Variants in CDH18 observed in about 807,000 individuals in gnomAD.
The protein encoded by CDH18 is cadherin-18.
CDH18 carries 31 observed loss-of-function variants against 67.9 expected under a neutral mutation model. That is an observed-to-expected ratio of 0.46 (90% CI 0.34 to 0.62). The LOEUF is 0.62. Ranked by LOEUF, CDH18 falls within the 20% of genes least tolerant of loss-of-function variation. The pLI is 0.01. For synonymous variants in CDH18, 362 were observed against 347.2 expected (o/e 1.04, Z -0.48); for missense variants, 890 against 975.5 (o/e 0.91, Z 1.17).
At chr5:19,996,171 T>C (rs1382892153) in intron 2 of CDH18, among the ~76,000 whole-genome samples, 1 of 152,154 alleles carries the variant, frequency 6.6e-6, no homozygotes, top group Admixed American at 6.6e-5. Flanking sequence ...TAAAGTATAG[T>C]AATATATAGT....
At chr5:20,322,576 G>A (rs890187003) in intron 1 of CDH18, among the ~76,000 whole-genome samples, 14 of 152,098 alleles carry the variant, frequency 9.2e-5, no homozygotes, top group Admixed American at 3.3e-4. Flanking sequence ...AAATGAGATT[G>A]TTTATATAAA....
In CDH18 at chr5:19,747,176, C is replaced by A; in HGVS notation, c.289G>T (p.Ala97Ser). 1.2e-6 allele frequency: 2 copies of A among 1,614,002 alleles called. No homozygotes were observed. The highest frequency in any genetic ancestry group is 1.7e-6 in the Non-Finnish European group (2 of 1,179,878). The change falls in exon 4 of 13, where the codon GCT (alanine) becomes TCT (serine). Residue 97 changes from alanine (A) to serine (S), a missense_variant. Coordinates refer to ENST00000382275, the MANE Select transcript of CDH18 (RefSeq NM_004934.5). ...SVKYILTGEG[A>S]GTIFIIDDTT... is the part of the protein sequence containing the mutation. ...TCGTCAATGATAAATATAGTCCCAGCACCCTCTCCAGTAAGGATGTACTTG... is the reference window on the plus strand; with the variant it reads ...TCGTCAATGATAAATATAGTCCCAGAACCCTCTCCAGTAAGGATGTACTTG...
At chr5:20,434,946 A>G (rs1205216594) in intron 1 of CDH18, among the ~76,000 whole-genome samples, 1 of 152,074 alleles carries the variant, frequency 6.6e-6, no homozygotes, top group African/African-American at 2.4e-5. Flanking sequence ...AGGGGTATGC[A>G]TACATTCAGA....
At chr5:20,304,031 C>T in intron 1 of CDH18, 1 of 1,481,928 alleles carries the variant, frequency 6.7e-7, no homozygotes, top group Non-Finnish European at 9.4e-7. Context: ...AATTCCGCAG[C>T]CGACTTCGCG....
At chr5:20,397,064 T>C (rs1408796798) in intron 1 of CDH18, among the ~76,000 whole-genome samples, 1 of 152,116 alleles carries the variant, frequency 6.6e-6, no homozygotes, top group African/African-American at 2.4e-5. Flanking sequence ...AGAAAAAGAC[T>C]CAACTCACAT....
At chr5:20,038,839 G>T (rs955396550) in intron 2 of CDH18, among the ~76,000 whole-genome samples, 1 of 152,076 alleles carries the variant, frequency 6.6e-6, no homozygotes, top group Admixed American at 6.6e-5. Context: ...GGAAGATCTG[G>T]CCAGGGAGAT....
At chr5:19,979,781 C>T (rs1579925120) in intron 2 of CDH18, among the ~76,000 whole-genome samples, 2 of 152,148 alleles carry the variant, frequency 1.3e-5, no homozygotes, top group Admixed American at 6.5e-5. Flanking sequence ...CAAGAATGTT[C>T]CATTTGTTTC....
intron 9 of CDH18, among the ~76,000 whole-genome samples, chr5:19,526,082 A>T (rs1039627941): frequency 2.0e-5 from 3 of 152,120 alleles, no homozygotes; most frequent in African/African-American, 7.2e-5. Context: ...CAATTTATTG[A>T]TGTGCATTAA....
At chr5:19,674,200 G>A (rs893101985) in intron 5 of CDH18, among the ~76,000 whole-genome samples, 2 of 151,990 alleles carry the variant, frequency 1.3e-5, no homozygotes, top group African/African-American at 2.4e-5. Context: ...ACTAGAATAT[G>A]CAAATGAGAG....
At chr5:20,207,077 T>C (rs745373747) in intron 2 of CDH18, among the ~76,000 whole-genome samples, 44 of 151,604 alleles carry the variant, frequency 2.9e-4, no homozygotes, top group Non-Finnish European at 5.6e-4. Flanking sequence ...ACAGGCAACA[T>C]GCTAATATAG....
chr5:20,128,093 T>G (rs888119381), intron 2 of CDH18, among the ~76,000 whole-genome samples: 2 of 152,060 alleles, frequency 1.3e-5, no homozygotes, highest in African/African-American at 4.8e-5. Context: ...CCCTAGGACA[T>G]TTCAGTATCA....
At chr5:19,954,254 T>C (rs193096813) in intron 2 of CDH18, among the ~76,000 whole-genome samples, 5 of 152,090 alleles carry the variant, frequency 3.3e-5, no homozygotes. Flanking sequence ...ATTGATCCAA[T>C]TTTAGGAAAA....
At chr5:20,159,734 C>T (rs902896639) in intron 2 of CDH18, among the ~76,000 whole-genome samples, 27 of 152,098 alleles carry the variant, frequency 1.8e-4, no homozygotes, top group Non-Finnish European at 2.9e-4. Context: ...CCAAGTTTAA[C>T]GGTCTTTAAG....
Position 19,799,810 on chromosome 5 carries a change from C to A in CDH18, c.228+38949G>T, listed in dbSNP as rs1777260358. Among the ~76,000 whole-genome samples the A allele has an allele frequency of 1.3e-5, 2 of 152,068 alleles. 1 individual carries two copies. Among genetic ancestry groups the A allele is most frequent in the South Asian group, 4.1e-4 (2 of 4,828 alleles). On this transcript the variant is annotated intron_variant, in intron 3 of 12. Coordinates refer to ENST00000382275, the MANE Select transcript of CDH18 (RefSeq NM_004934.5). ...TTATCTTTTATGTGCTTGATAGCCCCAATGCTTAGCACATGCAAACTTTTC... is the reference window on the plus strand; with the variant it reads ...TTATCTTTTATGTGCTTGATAGCCCAAATGCTTAGCACATGCAAACTTTTC...
chr5:19,753,694 C>T lies in CDH18; in HGVS notation c.229-6458G>A, dbSNP rs187253156. 3.3e-4 allele frequency among the ~76,000 whole-genome samples: 50 copies of T among 152,188 alleles called. 1 individual carries two copies. Among genetic ancestry groups the T allele is most frequent in the African/African-American group, 7.0e-4 (29 of 41,542 alleles). On this transcript the variant is annotated intron_variant, in intron 3 of 12. Transcript: ENST00000382275. ...CCAATGCATAGGTCATCTAAAGTTA[C>T]GACAAAGGAAAGAATCTTAAGTGCT...
chr5:19,948,448 G>A (rs1238128213), intron 2 of CDH18, among the ~76,000 whole-genome samples: 3 of 151,964 alleles, frequency 2.0e-5, no homozygotes, highest in African/African-American at 7.3e-5. Flanking sequence ...GCAACGACTT[G>A]GACAAACCTC....
chr5:20,464,177 G>A (rs183398865), intron 1 of CDH18, among the ~76,000 whole-genome samples: 255 of 152,166 alleles, frequency 1.7e-3, no homozygotes, highest in Non-Finnish European at 2.7e-3. Context: ...AACAGACCAA[G>A]TAGATATTGA....
chr5:20,375,798 C>T (rs1743366768), intron 1 of CDH18, among the ~76,000 whole-genome samples: 1 of 152,002 alleles, frequency 6.6e-6, no homozygotes, highest in Admixed American at 6.6e-5. Context: ...TCATAGGAGA[C>T]ACACTCCAAG....
In CDH18 at chr5:20,320,830, G is replaced by A. The variant is rs377548636; in HGVS notation, c.-579-65325C>T. 2.9e-4 allele frequency among the ~76,000 whole-genome samples: 44 copies of A among 152,164 alleles called. No homozygotes were observed. In the South Asian group the frequency reaches 8.3e-3, roughly 29 times the overall value. On this transcript the variant is annotated intron_variant, in intron 1 of 14. Coordinates refer to the CDH18 transcript ENST00000507958. ...GAGGGGACTGATGGAGAACAACCACGGCCACCCTTCAGCCAACTGCACTGC... is the reference window on the plus strand; with the variant it reads ...GAGGGGACTGATGGAGAACAACCACAGCCACCCTTCAGCCAACTGCACTGC...
Sources: gnomAD v4.1 joint callset for allele counts (sites outside exome capture counted in the v4.1 genomes callset) on GRCh38, gnomAD v4.1.1 for gene constraint, MANE v1.5 for transcripts, NCBI Gene and HGNC (gene_info 2026-07-23, HGNC 2026-07-21) for gene names.